Variants in RPS6KA2 observed in about 807,000 individuals in gnomAD.
RPS6KA2 encodes the protein ribosomal protein S6 kinase A2.
In RPS6KA2, 42 loss-of-function variants were observed where a neutral mutation model predicts 91.8. That is an observed-to-expected ratio of 0.46 (90% CI 0.36 to 0.59). The LOEUF (loss-of-function observed/expected upper bound fraction) is 0.59. RPS6KA2 is among the 20% of genes least tolerant of loss of function. RPS6KA2 has a pLI of 0.00. For missense variants in RPS6KA2, 798 were observed against 978.5 expected (o/e 0.82, Z 2.46); for synonymous variants, 414 against 393.6 (o/e 1.05, Z -0.61).
chr6:166,583,329 G>C (rs1785076329), intron 1 of RPS6KA2, among the ~76,000 whole-genome samples: 2 of 152,062 alleles, frequency 1.3e-5, no homozygotes, highest in African/African-American at 4.8e-5. Context: ...CGGCCTTCTT[G>C]GGGCAAACCA....
chr6:166,860,463 T>C (rs1168087783), intron 1 of RPS6KA2, among the ~76,000 whole-genome samples: 1 of 152,178 alleles, frequency 6.6e-6, no homozygotes, highest in African/African-American at 2.4e-5. Flanking sequence ...GGTTTTCAAA[T>C]CATGGGAATC....
Position 166,711,870 on chromosome 6 carries a change from TA to T in RPS6KA2, c.123+146329del, listed in dbSNP as rs1312155295. On this transcript the variant is annotated intron_variant, in intron 2 of 21. Coordinates refer to the RPS6KA2 transcript ENST00000503859. ...AAAACCCATGAAACAATGAGCTGAT[TA>T]AAAAAAAACAAGACCAATAAAATTG... Among the ~76,000 whole-genome samples the T allele has an allele frequency of 2.7e-5, 4 of 149,538 alleles. No individual in the cohort carries two copies. The South Asian group carries it at 6.4e-4, about 24-fold the overall frequency.
At chr6:166,475,057 G>A (rs908096686) in intron 10 of RPS6KA2, among the ~76,000 whole-genome samples, 9 of 152,094 alleles carry the variant, frequency 5.9e-5, no homozygotes, top group African/African-American at 2.2e-4. Context: ...CAGAGTCACC[G>A]AGTCCTCCAC....
chr6:166,585,277 T>G (rs1785133164), intron 1 of RPS6KA2, among the ~76,000 whole-genome samples: 1 of 152,224 alleles, frequency 6.6e-6, no homozygotes, highest in African/African-American at 2.4e-5. Context: ...GTCTCACATC[T>G]TCAGCAACTT....
In RPS6KA2 at chr6:166,603,793, T is replaced by C. The variant is rs1349682927; in HGVS notation, c.99+23128A>G. Among the ~76,000 whole-genome samples the C allele has an allele frequency of 6.6e-6, 1 of 152,144 alleles. No individual in the cohort carries two copies. The highest frequency in any genetic ancestry group is 6.5e-5 in the Admixed American group (1 of 15,270). On this transcript the variant is annotated intron_variant, in intron 1 of 20. Transcript: ENST00000265678. This position sits in a 1 kb window ranked among gnomAD's most constrained non-coding sequence, Gnocchi z 4.3. The stretch of plus-strand genomic sequence containing the variant: ...CTGTGGCCCAGGTGTATCAAATAAA[T>C]GCCCCCGTACTGTTGTTTGCGATAA...
chr6:166,754,845 G>T (rs1190209321), intron 2 of RPS6KA2, among the ~76,000 whole-genome samples: 1 of 152,202 alleles, frequency 6.6e-6, no homozygotes, highest in Admixed American at 6.5e-5. Context: ...TGGTCTCAGG[G>T]AAGGGCTCTG....
At chr6:166,789,244 C>T (rs551305005) in intron 2 of RPS6KA2, among the ~76,000 whole-genome samples, 5 of 152,220 alleles carry the variant, frequency 3.3e-5, no homozygotes, top group East Asian at 1.9e-4. Context: ...CCTACGCCCA[C>T]GGAGTCTCGC....
chr6:166,649,080 C>T (rs903874670), intron 2 of RPS6KA2, among the ~76,000 whole-genome samples: 1 of 152,204 alleles, frequency 6.6e-6, no homozygotes. Context: ...TCAATAAATT[C>T]AAGCTGCTAT....
In RPS6KA2 at chr6:166,716,675, T is replaced by G. The variant is rs142231900; in HGVS notation, c.123+141525A>C. 2.6e-5 allele frequency among the ~76,000 whole-genome samples: 4 copies of G among 152,264 alleles called. No homozygotes were observed. In the East Asian group the frequency reaches 7.7e-4, roughly 29 times the overall value. On this transcript the variant is annotated intron_variant, in intron 2 of 21. Transcript: ENST00000503859. ...GGAAAAGGGGGGTTGTAATAACAAA[T>G]TATTCATTTGGAAAAATAGTTAAAT... is the stretch of plus-strand genomic sequence containing the variant.
chr6:166,768,674 G>A (rs1169396764), intron 2 of RPS6KA2, among the ~76,000 whole-genome samples: 3 of 152,244 alleles, frequency 2.0e-5, no homozygotes, highest in Non-Finnish European at 4.4e-5. Flanking sequence ...AGCAGAGGGA[G>A]AGTTAAAGCC....
At chr6:166,703,781 C>T (rs1270879530) in intron 2 of RPS6KA2, among the ~76,000 whole-genome samples, 1 of 152,138 alleles carries the variant, frequency 6.6e-6, no homozygotes, top group Non-Finnish European at 1.5e-5. Context: ...GCTGCAGCTG[C>T]CAATGTCCTT....
At chr6:166,656,853 G>A (rs1019462879) in intron 2 of RPS6KA2, among the ~76,000 whole-genome samples, 1 of 152,216 alleles carries the variant, frequency 6.6e-6, no homozygotes, top group East Asian at 1.9e-4. Context: ...GCATGTGAAA[G>A]CCCGGGCAAA....
intron 2 of RPS6KA2, among the ~76,000 whole-genome samples, chr6:166,669,158 T>G (rs916778581): frequency 2.0e-5 from 3 of 152,264 alleles, no homozygotes; most frequent in African/African-American, 7.2e-5. Context: ...CCTCCCAAAG[T>G]GCTGGGATTA....
chr6:166,443,735 C>A (rs1227709752), intron 14 of RPS6KA2, among the ~76,000 whole-genome samples: 1 of 152,102 alleles, frequency 6.6e-6, no homozygotes, highest in Non-Finnish European at 1.5e-5. Context: ...TATGCTTGAG[C>A]ACATAAATTT....
At chr6:166,707,910 AT>A (rs1286665538) in intron 2 of RPS6KA2, among the ~76,000 whole-genome samples, 1 of 152,068 alleles carries the variant, frequency 6.6e-6, no homozygotes, top group East Asian at 1.9e-4. Flanking sequence ...TGCCCAGATA[AT>A]TTTTGAATAT....
At chr6:166,527,297 C>A (rs1783089713) in intron 3 of RPS6KA2, among the ~76,000 whole-genome samples, 1 of 152,108 alleles carries the variant, frequency 6.6e-6, no homozygotes, top group Non-Finnish European at 1.5e-5. Flanking sequence ...AACCGTTACG[C>A]TTGAAGGAGA....
At chr6:166,609,689 G>A (rs1178629789) in intron 1 of RPS6KA2, among the ~76,000 whole-genome samples, 19 of 151,820 alleles carry the variant, frequency 1.3e-4, no homozygotes, top group Non-Finnish European at 2.5e-4. Flanking sequence ...TAGTAGAGAC[G>A]GGGCTTCACC....
intron 3 of RPS6KA2, among the ~76,000 whole-genome samples, chr6:166,515,209 G>A (rs1396031353): frequency 6.6e-6 from 1 of 152,168 alleles, no homozygotes; most frequent in African/African-American, 2.4e-5. Context: ...AGAAGTGTTT[G>A]GTGGCAGCAG....
chr6:166,843,000 C>T (rs965656730), intron 2 of RPS6KA2, among the ~76,000 whole-genome samples: 31 of 152,148 alleles, frequency 2.0e-4, no homozygotes, highest in African/African-American at 7.2e-4. Flanking sequence ...GTTCTCAGCC[C>T]AGGTCACCGG....
Sources: allele counts gnomAD v4.1 joint callset (sites outside exome capture counted in the v4.1 genomes callset), GRCh38; gene constraint gnomAD v4.1.1; non-coding constraint Gnocchi (gnomAD v3.1); transcripts MANE v1.5; gene names NCBI Gene and HGNC (gene_info 2026-07-23, HGNC 2026-07-21).